The following KCNT2 variants were observed in gnomAD, a reference collection of about 807,000 sequenced individuals.
KCNT2 encodes potassium sodium-activated channel subfamily T member 2, also known as potassium channel subfamily T member 2.
KCNT2 carries 67 observed loss-of-function variants against 153.8 expected under a neutral mutation model. The ratio of observed to expected loss-of-function variants is 0.44; its 90% CI spans 0.36 to 0.53. The LOEUF (loss-of-function observed/expected upper bound fraction) is 0.53. KCNT2 is among the 20% of genes least tolerant of loss of function. The pLI is 0.00. For missense variants in KCNT2, 975 were observed against 1,354.8 expected, an observed-to-expected ratio of 0.72 and a Z score of 4.40; for synonymous variants, 500 against 458.8, an observed-to-expected ratio of 1.09 and a Z score of -1.15.
intron 12 of KCNT2, among the ~76,000 whole-genome samples, chr1:196,415,080 AACTT>A (rs1672646150): frequency 6.6e-6 from 1 of 151,948 alleles, no homozygotes; most frequent in Non-Finnish European, 1.5e-5. Context: ...CTTCAAGAAC[AACTT>A]ACTTGGGGAG....
At chr1:196,378,304 G>T (rs1253143511) in intron 13 of KCNT2, among the ~76,000 whole-genome samples, 1 of 152,098 alleles carries the variant, frequency 6.6e-6, no homozygotes, top group East Asian at 1.9e-4. Flanking sequence ...GTATCTGTAT[G>T]GGGTAGTGGT....
chr1:196,468,140 A>G (rs1677774273), intron 6 of KCNT2, among the ~76,000 whole-genome samples: 1 of 152,108 alleles, frequency 6.6e-6, no homozygotes, highest in African/African-American at 2.4e-5. Flanking sequence ...CAAAGAGGAA[A>G]GGTACTCTCT....
chr1:196,258,216 C>T lies in KCNT2; in HGVS notation c.3189G>A (p.Leu1063=). 4.3e-6 allele frequency: 7 copies of T among 1,613,764 alleles called. No individual in the cohort carries two copies. The highest frequency in any genetic ancestry group is 5.9e-6 in the Non-Finnish European group (7 of 1,179,750). Residue 1063 remains leucine (L), a synonymous_variant, in exon 26 of 28, where the codon TTG becomes TTA. Transcript: ENST00000294725. ...TACCATATCCCACTGTAGAAAGACC[C>T]AAGTGTTTCATTCTATTTTTCACAA... The part of the protein sequence containing the change: ...AELVKNRMKH[L]GLSTVGYDEM...
intron 16 of KCNT2, among the ~76,000 whole-genome samples, chr1:196,338,441 G>C (rs1217635341): frequency 6.6e-6 from 1 of 151,932 alleles, no homozygotes; most frequent in African/African-American, 2.4e-5. Flanking sequence ...GTAAAAGGGG[G>C]TTCTTTTAAT....
chr1:196,342,424 A>ATATATATATATATATATATATATG (rs1329344423), intron 14 of KCNT2, among the ~76,000 whole-genome samples, 196 bp from the exon 15 acceptor site: 28 of 27,716 alleles, frequency 1.0e-3, no homozygotes, highest in African/African-American at 2.3e-3. Context: ...TGAATACTAT[A>ATATATATATATATATATATATATG]TATATATATA....
At chr1:196,502,741 T>C (rs1558015423) in intron 1 of KCNT2, among the ~76,000 whole-genome samples, 1 of 152,166 alleles carries the variant, frequency 6.6e-6, no homozygotes, top group Non-Finnish European at 1.5e-5. Context: ...AGTATTTCTT[T>C]TCAGTTAGAA....
chr1:196,343,350 G>A (rs964529992), intron 14 of KCNT2, among the ~76,000 whole-genome samples: 5 of 152,092 alleles, frequency 3.3e-5, no homozygotes, highest in African/African-American at 1.2e-4. Context: ...TATATAAATA[G>A]GTTATTTCTC....
chr1:196,432,824 C>A (rs1674279698), intron 8 of KCNT2, among the ~76,000 whole-genome samples: 1 of 151,996 alleles, frequency 6.6e-6, no homozygotes, highest in Non-Finnish European at 1.5e-5. Flanking sequence ...GGTGTTGGAA[C>A]AACTTAAGAC....
At chr1:196,585,647 A>G (rs1662589826) in intron 1 of KCNT2, among the ~76,000 whole-genome samples, 1 of 152,152 alleles carries the variant, frequency 6.6e-6, no homozygotes, top group African/African-American at 2.4e-5. Context: ...ATGACTCACA[A>G]ATAACAGAGC....
intron 22 of KCNT2, among the ~76,000 whole-genome samples, chr1:196,303,580 G>A (rs7547827): frequency 0.29 from 44,221 of 152,002 alleles, 9,706 homozygotes; most frequent in African/African-American, 0.62. Flanking sequence ...AAAATGTATC[G>A]TTATGCTTTT....
At chr1:196,253,307 T>C (rs939095527) in intron 26 of KCNT2, among the ~76,000 whole-genome samples, 1 of 151,458 alleles carries the variant, frequency 6.6e-6, no homozygotes, top group Non-Finnish European at 1.5e-5. Context: ...TTATGTACAT[T>C]GATAGTTTTT....
intron 13 of KCNT2, among the ~76,000 whole-genome samples, chr1:196,393,153 A>C (rs1670629035): frequency 6.6e-6 from 1 of 151,436 alleles, no homozygotes; most frequent in Non-Finnish European, 1.5e-5. Context: ...GAAAGTAGAT[A>C]ATTCACACTT....
chr1:196,334,484 TTTC>T (rs1664798978), intron 16 of KCNT2, among the ~76,000 whole-genome samples: 4 of 99,218 alleles, frequency 4.0e-5, no homozygotes, highest in Admixed American at 1.8e-4. Context: ...TCTTTCTTTC[TTTC>T]TTTTTTTTTT....
intron 12 of KCNT2, among the ~76,000 whole-genome samples, chr1:196,408,748 T>A (rs1672041547): frequency 6.6e-6 from 1 of 151,680 alleles, no homozygotes; most frequent in Non-Finnish European, 1.5e-5. Flanking sequence ...AGATAACATA[T>A]TCTGTAGGTT....
At chr1:196,377,332 T>G (rs1309832853) in intron 13 of KCNT2, among the ~76,000 whole-genome samples, 1 of 151,478 alleles carries the variant, frequency 6.6e-6, no homozygotes, top group Non-Finnish European at 1.5e-5. Flanking sequence ...ATCAGATACA[T>G]TTTTTTTGGT....
chr1:196,495,776 T>C (rs1303633336), intron 1 of KCNT2, among the ~76,000 whole-genome samples: 1 of 152,214 alleles, frequency 6.6e-6, no homozygotes, highest in East Asian at 1.9e-4. Flanking sequence ...TTGTTACATT[T>C]ATTCAAATAC....
At chr1:196,468,081 A>G (rs1199717832) in intron 6 of KCNT2, among the ~76,000 whole-genome samples, 1 of 152,108 alleles carries the variant, frequency 6.6e-6, no homozygotes, top group African/African-American at 2.4e-5. Flanking sequence ...GATGGTTTGT[A>G]ATAGACATTG....
intron 8 of KCNT2, among the ~76,000 whole-genome samples, chr1:196,443,177 G>C (rs1285702393): frequency 6.6e-6 from 1 of 151,578 alleles, no homozygotes; most frequent in Non-Finnish European, 1.5e-5. Context: ...CAGAGATGGG[G>C]ACATTTTGGG....
chr1:196,396,173 C>T (rs1046449463), intron 13 of KCNT2, among the ~76,000 whole-genome samples: 1 of 151,562 alleles, frequency 6.6e-6, no homozygotes, highest in Admixed American at 6.6e-5. Context: ...AGTGATTTTT[C>T]ATCCTTAGAG....
Sources: allele counts gnomAD v4.1 joint callset (sites outside exome capture counted in the v4.1 genomes callset), GRCh38; gene constraint gnomAD v4.1.1; transcripts MANE v1.5; gene names NCBI Gene and HGNC (gene_info 2026-07-23, HGNC 2026-07-21).